Variants in ABCA12 observed in about 807,000 individuals in gnomAD.
ABCA12 encodes ATP binding cassette subfamily A member 12.
In ABCA12, 156 loss-of-function variants were observed where a neutral mutation model predicts 293.5. The ratio of observed to expected loss-of-function variants is 0.53; its 90% CI spans 0.47 to 0.61. The LOEUF (loss-of-function observed/expected upper bound fraction) is 0.61. Among genes scored for constraint, ABCA12 ranks in the 20% least tolerant of loss-of-function variants. The pLI, the probability that ABCA12 is intolerant of heterozygous loss-of-function variation, is 0.00. For missense variants in ABCA12, 2,797 were observed against 3,090.2 expected (o/e 0.91, Z 2.25); for synonymous variants, 1,063 against 1,108.0 (o/e 0.96, Z 0.81).
intron 5 of ABCA12, among the ~76,000 whole-genome samples, chr2:215,051,340 C>T (rs1347791067): frequency 6.6e-6 from 1 of 151,998 alleles, no homozygotes. Context: ...ATTGAAAGGT[C>T]CTCTATTTTG....
At chr2:215,012,474 GT>G (rs1384689217) in intron 15 of ABCA12, among the ~76,000 whole-genome samples, 1 of 152,102 alleles carries the variant, frequency 6.6e-6, no homozygotes, top group African/African-American at 2.4e-5. Context: ...ACTGATACAT[GT>G]ACAATATGTA....
chr2:214,988,466 CTCTA>C (rs765961570), intron 26 of ABCA12, among the ~76,000 whole-genome samples: 2 of 152,334 alleles, frequency 1.3e-5, no homozygotes, highest in Middle Eastern at 3.4e-3. Context: ...TGCCTTCTGT[CTCTA>C]TCTGTCTTTC....
At chr2:214,950,382 ATCTGTGTG>A (rs10581988) in intron 45 of ABCA12, among the ~76,000 whole-genome samples, 43,821 of 122,808 alleles carry the variant, frequency 0.36, 7,661 homozygotes, top group South Asian at 0.54. Flanking sequence ...GTATATATAT[ATCTGTGTG>A]TGTGTGTGTG....
chr2:214,968,764 G>A lies in ABCA12; in HGVS notation c.5734C>T (p.Arg1912Cys), dbSNP rs144770649. The A allele has an allele frequency of 2.0e-5, 32 of 1,613,168 alleles. No homozygotes were observed. The highest frequency in any genetic ancestry group is 7.7e-5 in the South Asian group (7 of 91,074). Residue 1912 changes from arginine to cysteine, a missense_variant, in exon 38 of 53, where the codon CGT becomes TGT. By Grantham distance (180) the Arg-to-Cys change is radical. Transcript: ENST00000272895. Reference protein sequence around the residue: ...SFGLPLTKDLRFDITGVPANR... With the variant: ...SFGLPLTKDLCFDITGVPANR... ...GCAGGGACTCCTGTTATATCAAAAC[G>A]AAGGTCTTTTGTCAAAGGCAGCCCA... is the stretch of plus-strand genomic sequence containing the variant.
At chr2:215,057,249 C>A (rs537789408) in intron 3 of ABCA12, among the ~76,000 whole-genome samples, 22 of 152,108 alleles carry the variant, frequency 1.4e-4, no homozygotes, top group Admixed American at 1.4e-3. Flanking sequence ...ATAATAACAC[C>A]TACTTTGCAA....
intron 14 of ABCA12, 77 bp from the exon 15 acceptor site, chr2:215,015,740 A>T: frequency 7.2e-7 from 1 of 1,386,490 alleles, no homozygotes; most frequent in African/African-American, 1.4e-5. Context: ...GGTTTTCTGT[A>T]TACTCTAAAT....
At chr2:215,055,755 A>C (rs1701407917) in intron 3 of ABCA12, among the ~76,000 whole-genome samples, 1 of 151,994 alleles carries the variant, frequency 6.6e-6, no homozygotes, top group Admixed American at 6.6e-5. Context: ...TTTTTCCAAT[A>C]TTCTCCATAA....
intron 2 of ABCA12, among the ~76,000 whole-genome samples, chr2:215,068,484 C>A (rs1440316712): frequency 6.6e-6 from 1 of 152,150 alleles, no homozygotes; most frequent in East Asian, 1.9e-4. Context: ...AATTGGCCCA[C>A]AGGCTGTAGT....
chr2:215,112,764 G>A (rs1470575717), intron 1 of ABCA12, among the ~76,000 whole-genome samples: 3 of 151,998 alleles, frequency 2.0e-5, no homozygotes, highest in Non-Finnish European at 4.4e-5. Flanking sequence ...CCAAAGTGCT[G>A]GGATTACAGG....
At chr2:215,015,370 A>G in intron 15 of ABCA12, 120 bp downstream of exon 15, 3 of 1,086,068 alleles carry the variant, frequency 2.8e-6, no homozygotes, top group East Asian at 5.2e-5. Flanking sequence ...ACATAATGCA[A>G]TAATTCCAAA....
intron 18 of ABCA12, among the ~76,000 whole-genome samples, chr2:215,009,627 GATA>G (rs1411876227): frequency 6.6e-6 from 1 of 152,032 alleles, no homozygotes; most frequent in East Asian, 1.9e-4. Flanking sequence ...AATATTCTTT[GATA>G]ATAATGATCG....
At chr2:214,943,887 G>A (rs1398238804) in intron 49 of ABCA12, among the ~76,000 whole-genome samples, 1 of 152,168 alleles carries the variant, frequency 6.6e-6, no homozygotes, top group East Asian at 1.9e-4. Flanking sequence ...ATATAAACAA[G>A]TCTCTTGATA....
chr2:215,075,831 G>A (rs538647932), intron 2 of ABCA12: 3 of 423,752 alleles, frequency 7.1e-6, no homozygotes, highest in South Asian at 4.2e-5. Context: ...GTGCTATGGT[G>A]TAAAACTAAA....
At chr2:215,073,558 G>C (rs1701778946) in intron 2 of ABCA12, among the ~76,000 whole-genome samples, 2 of 142,524 alleles carry the variant, frequency 1.4e-5, no homozygotes, top group Non-Finnish European at 3.1e-5. Context: ...AGCCCCATCA[G>C]CTGCAGCCCC....
chr2:214,941,786 T>C (rs1410776809), intron 50 of ABCA12, among the ~76,000 whole-genome samples: 1 of 152,052 alleles, frequency 6.6e-6, no homozygotes, highest in Non-Finnish European at 1.5e-5. Context: ...CCCTGCTTTT[T>C]TTTTTTGCTT....
intron 9 of ABCA12, among the ~76,000 whole-genome samples, chr2:215,031,365 A>T (rs1700873214): frequency 6.6e-6 from 1 of 152,216 alleles, no homozygotes; most frequent in South Asian, 2.1e-4. Flanking sequence ...GTTCTCCCGA[A>T]ATTCGTATGT....
intron 28 of ABCA12, among the ~76,000 whole-genome samples, chr2:214,984,486 T>C (rs1188669234): frequency 1.3e-5 from 2 of 152,174 alleles, no homozygotes; most frequent in Admixed American, 1.3e-4. Flanking sequence ...CAGGTTGGCA[T>C]GTCTCAAATT....
chr2:215,108,869 C>G (rs1359527151), intron 2 of ABCA12, among the ~76,000 whole-genome samples: 1 of 152,070 alleles, frequency 6.6e-6, no homozygotes, highest in Non-Finnish European at 1.5e-5. Context: ...GAGTTCCAGA[C>G]CAGCCTGGCC....
At chr2:214,939,669 A>T (rs1698333144) in intron 50 of ABCA12, among the ~76,000 whole-genome samples, 1 of 152,138 alleles carries the variant, frequency 6.6e-6, no homozygotes, top group African/African-American at 2.4e-5. Flanking sequence ...CTCCTTGAAG[A>T]GGTCCTTCAT....
Sources: gnomAD v4.1 joint callset for allele counts (sites outside exome capture counted in the v4.1 genomes callset) on GRCh38, gnomAD v4.1.1 for gene constraint, MANE v1.5 for transcripts, NCBI Gene and HGNC (gene_info 2026-07-23, HGNC 2026-07-21) for gene names.